The following HAS3 variants were observed in gnomAD, a reference collection of about 807,000 sequenced individuals.
The protein encoded by HAS3 is HA synthase 3.
In HAS3, 27 loss-of-function variants were observed where a neutral mutation model predicts 50.3. The ratio of observed to expected loss-of-function variants is 0.54; its 90% confidence interval spans 0.40 to 0.74. HAS3 has a LOEUF of 0.74. HAS3 is among the 30% of genes least tolerant of loss of function. HAS3 has a pLI of 0.00. For synonymous variants in HAS3, 339 were observed against 310.9 expected (o/e 1.09, Z -0.95); for missense variants, 517 against 742.8 (o/e 0.70, Z 3.53).
intron 2 of HAS3, among the ~76,000 whole-genome samples, chr16:69,111,130 C>G (rs1960985448): frequency 6.8e-6 from 1 of 148,028 alleles, no homozygotes; most frequent in East Asian, 2.0e-4. Context: ...AAGTAGAAAC[C>G]CTAGGACCCT....
rs1961102670 is a variant in HAS3 at position 69,114,207 on chromosome 16, C to G, written c.739-136C>G. 7.3e-7 allele frequency: 1 copy of G among 1,368,766 alleles called. No individual in the cohort carries two copies. Among genetic ancestry groups the G allele is most frequent in the African/African-American group, 1.4e-5 (1 of 69,080 alleles). The allele number at this position is 1,368,766 out of a possible 1,614,324, so 84.8% of individuals were successfully genotyped here. The stretch of plus-strand genomic sequence containing the variant: ...TTGGCTCCTCTGAGCCTCAGGTTTC[C>G]CAGCTCCAAAGGAACCGATGGCCAG... On this transcript the variant is annotated intron_variant, in intron 3 of 3. Coordinates refer to ENST00000569188, the MANE Select transcript of HAS3 (RefSeq NM_001199280.2). This position sits in a 1 kb window ranked among gnomAD's most constrained non-coding sequence, Gnocchi z 6.4.
At chr16:69,104,991 G>GTTTTT (rs1567576944), upstream of HAS3, among the ~76,000 whole-genome samples, 6 of 89,856 alleles carry the variant, frequency 6.7e-5, no homozygotes, top group Non-Finnish European at 1.1e-4. Flanking sequence ...TCTGTTTTTT[G>GTTTTT]GTTTTTTTTT....
At chr16:69,113,349 T>G (rs547463769) in intron 2 of HAS3, 92 bp from the exon 3 acceptor site, 1 of 822,944 alleles carries the variant, frequency 1.2e-6, no homozygotes, top group South Asian at 1.3e-5. Context: ...AGGGGTCATG[T>G]CTCTCAGGCA....
upstream of HAS3, among the ~76,000 whole-genome samples, chr16:69,102,379 A>AT (rs1360831386): frequency 7.2e-5 from 11 of 152,302 alleles, no homozygotes; most frequent in South Asian, 2.1e-4. Flanking sequence ...GTAAGCAGAG[A>AT]TAAACTCGAG....
the HAS3 span, among the ~76,000 whole-genome samples, chr16:69,093,877 A>G: frequency 6.6e-6 from 1 of 152,210 alleles, no homozygotes; most frequent in South Asian, 2.1e-4. Context: ...AGCTCAAAGC[A>G]TAAATACATT....
At position 69,116,815 on chromosome 16, in the gene HAS3, T is replaced by G. The variant is rs998720534; in HGVS notation, c.*1549T>G. On this transcript the variant is annotated 3_prime_UTR_variant, in exon 4 of 4. Coordinates refer to ENST00000569188, the MANE Select transcript of HAS3 (RefSeq NM_001199280.2). ...CTGACTAAGCCTTTGACTTAAGGGTTGCTTGCTTGCCCTCCAAATGTCCTT... is the reference window on the plus strand; with the variant it reads ...CTGACTAAGCCTTTGACTTAAGGGTGGCTTGCTTGCCCTCCAAATGTCCTT... 4.1e-6 allele frequency: 4 copies of G among 985,312 alleles called. No homozygotes were observed. The African/African-American group carries it at 7.0e-5, about 17-fold the overall frequency. 61.0% of individuals were successfully genotyped at this position (985,312 alleles called of 1,614,324 possible).
At chr16:69,110,819 CGTG>C (rs763603593) in intron 2 of HAS3, among the ~76,000 whole-genome samples, 19 of 152,132 alleles carry the variant, frequency 1.2e-4, no homozygotes, top group Admixed American at 5.9e-4. Flanking sequence ...CATAAGAAAG[CGTG>C]GTGAAGAGCA....
At chr16:69,100,891 G>T (rs1037852947), upstream of HAS3, among the ~76,000 whole-genome samples, 1 of 152,092 alleles carries the variant, frequency 6.6e-6, no homozygotes, top group Non-Finnish European at 1.5e-5. Flanking sequence ...CTCCAGTGTT[G>T]GAGGATTATT....
At chr16:69,118,488 G>GT (rs1567585289), downstream of HAS3, 2 of 1,353,232 alleles carry the variant, frequency 1.5e-6, no homozygotes, top group Non-Finnish European at 2.1e-6. Context: ...GTGAGCAGGG[G>GT]ACTACATGTG....
the HAS3 span, among the ~76,000 whole-genome samples, chr16:69,092,196 G>A: frequency 4.6e-5 from 7 of 152,164 alleles, no homozygotes; most frequent in African/African-American, 1.7e-4. Context: ...AACCAGTACT[G>A]GACCCAAGCA....
upstream of HAS3, among the ~76,000 whole-genome samples, chr16:69,102,198 C>T (rs1394634442): frequency 6.6e-6 from 1 of 152,198 alleles, no homozygotes; most frequent in Non-Finnish European, 1.5e-5. Flanking sequence ...AGCAGGGCTT[C>T]AGCGTTTGTT....
At chr16:69,086,970 A>G in the HAS3 span, among the ~76,000 whole-genome samples, 1 of 152,168 alleles carries the variant, frequency 6.6e-6, no homozygotes, top group Non-Finnish European at 1.5e-5. Context: ...ACTTCCCTAC[A>G]TGGACCCTGT....
chr16:69,099,907 G>A, the HAS3 span, among the ~76,000 whole-genome samples: 2 of 151,772 alleles, frequency 1.3e-5, no homozygotes, highest in South Asian at 2.1e-4. Context: ...TCTGAGAAAA[G>A]CATCTCCAGG....
intron 1 of HAS3, among the ~76,000 whole-genome samples, chr16:69,108,471 G>T (rs1960884708): frequency 1.3e-5 from 2 of 152,198 alleles, no homozygotes; most frequent in Non-Finnish European, 2.9e-5. Context: ...CAACAGGGGA[G>T]ATGTTAGGAG....
rs1960918034 is a variant in HAS3, at chr16:69,109,419, C to T, written c.24C>T (p.Ala8=). The change falls in exon 2 of 4, where the codon GCC becomes GCT. Residue 8 remains alanine (A), a synonymous_variant. Transcript: ENST00000569188. The surrounding 1 kb of genome is among the most constrained non-coding windows in gnomAD (Gnocchi z 5.3). MPVQLTT[A]LRVVGTSLFA... ...AGATGCCGGTGCAGCTGACGACAGC[C>T]CTGCGTGTGGTGGGCACCAGCCTGT... The T allele has an allele frequency of 1.2e-6, 2 of 1,609,564 alleles. No homozygotes were observed. The highest frequency in any genetic ancestry group is 8.5e-7 in the Non-Finnish European group (1 of 1,178,908).
At chr16:69,085,066 A>G in the HAS3 span, 2 of 152,346 alleles carry the variant, frequency 1.3e-5, no homozygotes, top group Non-Finnish European at 2.9e-5. Flanking sequence ...ATTAATTTCT[A>G]TTCTCCAAAT....
chr16:69,117,852 A>G (rs1160444729), downstream of HAS3, among the ~76,000 whole-genome samples: 1 of 152,138 alleles, frequency 6.6e-6, no homozygotes, highest in Non-Finnish European at 1.5e-5. Flanking sequence ...TGGCAGATGA[A>G]TGGGCCCTTG....
At chr16:69,086,804 T>C in the HAS3 span, among the ~76,000 whole-genome samples, 4 of 152,110 alleles carry the variant, frequency 2.6e-5, no homozygotes, top group African/African-American at 9.7e-5. Flanking sequence ...CTCAGGAGGC[T>C]GAGGCGGGAG....
chr16:69,113,883 T>C (rs972214613), intron 3 of HAS3, among the ~76,000 whole-genome samples: 3 of 152,196 alleles, frequency 2.0e-5, no homozygotes, highest in Non-Finnish European at 4.4e-5. Flanking sequence ...CCCTTGCTCT[T>C]AGGAGATGGG....
Sources: gnomAD v4.1 joint callset for allele counts (sites outside exome capture counted in the v4.1 genomes callset) on GRCh38, gnomAD v4.1.1 for gene constraint, Gnocchi (gnomAD v3.1) non-coding constraint, MANE v1.5 for transcripts, NCBI Gene and HGNC (gene_info 2026-07-23, HGNC 2026-07-21) for gene names.